The following SH3BGRL variants were observed in gnomAD, a reference collection of about 807,000 sequenced individuals.
SH3BGRL encodes the protein SH3 domain binding glutamate rich protein like.
SH3BGRL carries 7 observed loss-of-function variants against 9.8 expected under a neutral mutation model. The ratio of observed to expected loss-of-function variants is 0.72; its 90% CI spans 0.41 to 1.35. SH3BGRL has a LOEUF of 1.35. Among genes scored for constraint, SH3BGRL ranks in the 40% most tolerant of loss-of-function variants. The pLI is 0.01. For synonymous variants in SH3BGRL, 36 were observed against 29.1 expected (o/e 1.24, Z -0.76); for missense variants, 73 against 84.4 (o/e 0.86, Z 0.53).
chrX:81,223,536 G>C (rs911101708), intron 1 of SH3BGRL, among the ~76,000 whole-genome samples: 2 of 110,652 alleles, frequency 1.8e-5, no homozygotes, highest in Non-Finnish European at 3.8e-5. Context: ...AAATAAGTCT[G>C]ATGATTTTTT....
intron 3 of SH3BGRL, among the ~76,000 whole-genome samples, chrX:81,286,329 C>T (rs1006299739): frequency 5.5e-5 from 6 of 109,797 alleles, no homozygotes; most frequent in Admixed American, 9.8e-5. Flanking sequence ...GAAATGTCCT[C>T]GTTAGCTTTA....
chrX:81,265,967 A>T (rs912305615), intron 1 of SH3BGRL, among the ~76,000 whole-genome samples: 1 of 111,903 alleles, frequency 8.9e-6, no homozygotes, highest in African/African-American at 3.3e-5. Flanking sequence ...ACATTTTTTC[A>T]TGTGTTTGTT....
At position 81,202,155 on chromosome X, in the gene SH3BGRL, C is replaced by T. The variant is rs752654467; in HGVS notation, c.-46C>T. 1.7e-6 allele frequency: 2 copies of T among 1,178,948 alleles called. No individual in the cohort carries two copies. Among genetic ancestry groups the T allele is most frequent in the Non-Finnish European group, 2.3e-6 (2 of 868,075 alleles). On this transcript the variant is annotated 5_prime_UTR_variant, in exon 1 of 4. Transcript: ENST00000373212. ...ATTCCAGCCATTGCTGCAGCTGCTCCACAGCCCTTTTCAGGACCCAAACAA... is the reference window on the plus strand; with the variant it reads ...ATTCCAGCCATTGCTGCAGCTGCTCTACAGCCCTTTTCAGGACCCAAACAA...
rs1158994041 is a variant in SH3BGRL, at chrX:81,248,428, G to T, written c.46-28556G>T. Among the ~76,000 whole-genome samples the T allele has an allele frequency of 2.3e-4, 26 of 112,355 alleles. 1 individual carries two copies. In the Admixed American group the frequency reaches 2.4e-3, roughly 11 times the overall value. On this transcript the variant is annotated intron_variant, in intron 1 of 3. Coordinates refer to ENST00000373212, the MANE Select transcript of SH3BGRL (RefSeq NM_003022.3). ...ACCCAGCAATGGCCCACACAGACTA[G>T]TTCCAGGTCAACAAGCTGGCCCTGG... is the stretch of plus-strand genomic sequence containing the variant.
At chrX:81,269,019 A>T (rs1040540711) in intron 1 of SH3BGRL, among the ~76,000 whole-genome samples, 2 of 111,380 alleles carry the variant, frequency 1.8e-5, no homozygotes, top group African/African-American at 6.5e-5. Flanking sequence ...AGTTTGTTTT[A>T]TCAGAGACCA....
chrX:81,267,650 A>C (rs931945056), intron 1 of SH3BGRL, among the ~76,000 whole-genome samples: 2 of 111,298 alleles, frequency 1.8e-5, no homozygotes, highest in African/African-American at 6.5e-5. Flanking sequence ...TTCATCAGGG[A>C]TATTGGCCTA....
At chrX:81,293,849 G>T (rs1193144787) in intron 3 of SH3BGRL, among the ~76,000 whole-genome samples, 1 of 112,110 alleles carries the variant, frequency 8.9e-6, no homozygotes, top group Non-Finnish European at 1.9e-5. Flanking sequence ...TAAGGTCCAG[G>T]CTGAGGTGGT....
intron 1 of SH3BGRL, among the ~76,000 whole-genome samples, chrX:81,264,677 C>T (rs1050926040): frequency 9.0e-6 from 1 of 110,730 alleles, no homozygotes; most frequent in African/African-American, 3.3e-5. Context: ...ACCTGATTCA[C>T]TCTAGGTGGT....
At chrX:81,294,365 C>G (rs1171129118) in intron 3 of SH3BGRL, among the ~76,000 whole-genome samples, 1 of 109,206 alleles carries the variant, frequency 9.2e-6, no homozygotes, top group East Asian at 2.9e-4. Context: ...CCCTGTGTCC[C>G]AGCCACTCCA....
At chrX:81,261,029 T>A (rs756823569) in intron 1 of SH3BGRL, among the ~76,000 whole-genome samples, 4 of 111,628 alleles carry the variant, frequency 3.6e-5, no homozygotes, top group Non-Finnish European at 5.7e-5. Context: ...ATTTAAATTA[T>A]TTAGCAAGAA....
intron 3 of SH3BGRL, among the ~76,000 whole-genome samples, chrX:81,283,923 A>C (rs2075826034): frequency 9.0e-6 from 1 of 111,315 alleles, no homozygotes; most frequent in African/African-American, 3.3e-5. Flanking sequence ...GAAAACCCTA[A>C]GGACTCCTCC....
chrX:81,255,044 C>T (rs764254608), intron 1 of SH3BGRL, among the ~76,000 whole-genome samples: 1 of 110,218 alleles, frequency 9.1e-6, no homozygotes, highest in Non-Finnish European at 1.9e-5. Flanking sequence ...CGTGCGCCAC[C>T]ACACCTGGCT....
At chrX:81,277,209 T>C in intron 2 of SH3BGRL, 40 bp downstream of exon 2, 1 of 1,103,152 alleles carries the variant, frequency 9.1e-7, no homozygotes, top group Non-Finnish European at 1.2e-6. Context: ...TGTAATAGAT[T>C]GCCCCAAATC....
Position 81,297,235 on chromosome X carries a change from G to A in SH3BGRL, c.*8G>A. 2.5e-6 allele frequency: 3 copies of A among 1,198,218 alleles called. No homozygotes were observed. The highest frequency in any genetic ancestry group is 3.5e-5 in the African/African-American group (2 of 57,483). Reference sequence around the variant, plus strand: ...GCAAAGCAGCAAGCATGAACCTTAAGCACTGTGCTTTAAGCATCCTGAAAA... The same window carrying A: ...GCAAAGCAGCAAGCATGAACCTTAAACACTGTGCTTTAAGCATCCTGAAAA... On this transcript the variant is annotated 3_prime_UTR_variant, in exon 4 of 4. Transcript: ENST00000373212.
chrX:81,279,012 C>CTT (rs1471674007), intron 3 of SH3BGRL, among the ~76,000 whole-genome samples: 1 of 112,157 alleles, frequency 8.9e-6, no homozygotes, highest in Non-Finnish European at 1.9e-5. Flanking sequence ...TTAAACATAC[C>CTT]TTTGCCTTTT....
chrX:81,255,137 C>G (rs922789161), intron 1 of SH3BGRL, among the ~76,000 whole-genome samples: 15 of 111,365 alleles, frequency 1.3e-4, no homozygotes, highest in Non-Finnish European at 2.4e-4. Flanking sequence ...GTCCGCCCCC[C>G]TCAGCCTCCC....
At chrX:81,240,328 C>A (rs777367378) in intron 1 of SH3BGRL, among the ~76,000 whole-genome samples, 1 of 112,105 alleles carries the variant, frequency 8.9e-6, no homozygotes, top group Non-Finnish European at 1.9e-5. Flanking sequence ...ATGTTTGTTT[C>A]TTCATGCAAA....
In SH3BGRL at chrX:81,297,280, A is replaced by G; in HGVS notation, c.*53A>G. 1.0e-6 allele frequency: 1 copy of G among 1,004,064 alleles called. No homozygotes were observed. The highest frequency in any genetic ancestry group is 2.1e-5 in the South Asian group (1 of 46,750). 82.7% of individuals were successfully genotyped at this position (1,004,064 alleles called of 1,213,427 possible). ...TGAAAAATGAGTCTCCATTGCTTTT[A>G]TAAAATAGCAGAATTAGCTTTGCTT... On this transcript the variant is annotated 3_prime_UTR_variant, in exon 4 of 4. Transcript: ENST00000373212.
intron 1 of SH3BGRL, among the ~76,000 whole-genome samples, chrX:81,257,760 A>G (rs1360104491): frequency 1.8e-5 from 2 of 110,792 alleles, no homozygotes; most frequent in Non-Finnish European, 3.8e-5. Flanking sequence ...ACTCAAGGGG[A>G]GGGAAGCATA....
Sources: gnomAD v4.1 joint callset for allele counts (sites outside exome capture counted in the v4.1 genomes callset) on GRCh38, gnomAD v4.1.1 for gene constraint, MANE v1.5 for transcripts, NCBI Gene and HGNC (gene_info 2026-07-23, HGNC 2026-07-21) for gene names.